Variants in TMEM117 observed in about 807,000 individuals in gnomAD.
The protein encoded by TMEM117 is transmembrane protein 117.
In TMEM117, 27 loss-of-function variants were observed where a neutral mutation model predicts 52.4. The observed-to-expected ratio is 0.51, with a 90% CI of 0.38 to 0.71. The LOEUF (loss-of-function observed/expected upper bound fraction) is 0.71, where lower values mean the gene tolerates loss of function less well. Ranked by LOEUF, TMEM117 falls within the 30% of genes least tolerant of loss-of-function variation. The probability of loss-of-function intolerance (pLI) is 0.00; values close to 1 mark genes in which losing one functional copy is unlikely to be tolerated. For missense variants in TMEM117, 556 were observed against 630.5 expected, an observed-to-expected ratio of 0.88 and a Z score of 1.26; for synonymous variants, 215 against 206.3, an observed-to-expected ratio of 1.04 and a Z score of -0.36.
chr12:43,802,580 A>G, the TMEM117 span: 2 of 761,710 alleles, frequency 2.6e-6, no homozygotes, highest in Non-Finnish European at 4.3e-6. Flanking sequence ...TATTCACATC[A>G]AAAAGTTGAA....
chr12:44,391,405 T>C (rs962184777), downstream of TMEM117, among the ~76,000 whole-genome samples: 10 of 152,170 alleles, frequency 6.6e-5, no homozygotes, highest in Non-Finnish European at 1.0e-4. Flanking sequence ...AAATTCTGTT[T>C]AAAATGTTAA....
At chr12:44,176,691 A>T (rs1313678514) in intron 4 of TMEM117, among the ~76,000 whole-genome samples, 1 of 152,118 alleles carries the variant, frequency 6.6e-6, no homozygotes, top group Non-Finnish European at 1.5e-5. Context: ...AGTTAAACCA[A>T]AAGGAAATAT....
At chr12:43,948,174 T>C (rs953153937) in intron 3 of TMEM117, among the ~76,000 whole-genome samples, 1 of 152,062 alleles carries the variant, frequency 6.6e-6, no homozygotes, top group African/African-American at 2.4e-5. Flanking sequence ...AGTTAGTTGG[T>C]TGAGCTAAAA....
chr12:44,311,941 A>C (rs1950996358), intron 6 of TMEM117, among the ~76,000 whole-genome samples: 1 of 148,046 alleles, frequency 6.8e-6, no homozygotes, highest in Non-Finnish European at 1.5e-5. Context: ...TTTTCCTCCC[A>C]TTCTTTTGGC....
intron 3 of TMEM117, among the ~76,000 whole-genome samples, chr12:43,995,533 TA>T (rs1471737005): frequency 1.3e-5 from 2 of 152,238 alleles, no homozygotes; most frequent in African/African-American, 4.8e-5. Flanking sequence ...TCTTGTTTTT[TA>T]AAATTTTTAA....
chr12:44,365,620 A>T (rs1396363136), intron 6 of TMEM117, among the ~76,000 whole-genome samples: 1 of 152,070 alleles, frequency 6.6e-6, no homozygotes, highest in East Asian at 1.9e-4. Flanking sequence ...CCTACCATAT[A>T]TATTTGCGTG....
intron 3 of TMEM117, among the ~76,000 whole-genome samples, chr12:44,029,398 T>G (rs1946596602): frequency 1.3e-5 from 2 of 152,202 alleles, no homozygotes; most frequent in African/African-American, 4.8e-5. Context: ...TGTACAGGCA[T>G]GTACAGGATT....
At chr12:44,304,743 C>T (rs532126392) in intron 6 of TMEM117, among the ~76,000 whole-genome samples, 17 of 152,324 alleles carry the variant, frequency 1.1e-4, no homozygotes, top group African/African-American at 3.6e-4. Context: ...AAGGGAAGGA[C>T]TCAGTCCTGG....
intron 6 of TMEM117, among the ~76,000 whole-genome samples, chr12:44,353,441 A>G (rs571290884): frequency 6.6e-6 from 1 of 152,254 alleles, no homozygotes; most frequent in Admixed American, 6.5e-5. Flanking sequence ...TCTAACATGT[A>G]AGTCTTTAAT....
intron 3 of TMEM117, among the ~76,000 whole-genome samples, chr12:43,945,892 T>C (rs1945124078): frequency 6.6e-6 from 1 of 152,200 alleles, no homozygotes. Context: ...TGTTCAGTAC[T>C]GAGAGGGAAG....
chr12:43,945,391 A>G (rs1221577850), intron 3 of TMEM117, among the ~76,000 whole-genome samples: 1 of 152,056 alleles, frequency 6.6e-6, no homozygotes, highest in Non-Finnish European at 1.5e-5. Flanking sequence ...ATCTCGGCTC[A>G]CTCACTGCAA....
rs1267022576 is a variant in TMEM117, at chr12:44,262,808, C to CA, written c.609-36772_609-36771insA. On this transcript the variant is annotated intron_variant, in intron 5 of 7. Coordinates refer to ENST00000266534, the MANE Select transcript of TMEM117 (RefSeq NM_032256.3). ...TTCACCATGTTAGCCAAGATGGTCT[C>CA]CATCTCCTGACTTCGTGATCCACCC... is the stretch of plus-strand genomic sequence containing the variant. Among the ~76,000 whole-genome samples, 6 of 152,248 alleles carry CA rather than the reference C, an allele frequency of 3.9e-5. No individual in the cohort carries two copies. In the South Asian group the frequency reaches 8.3e-4, roughly 21 times the overall value.
Position 44,167,489 on chromosome 12 carries a change from A to G in TMEM117, c.510+23865A>G, listed in dbSNP as rs367628231. On this transcript the variant is annotated intron_variant, in intron 4 of 7. Coordinates refer to ENST00000266534, the MANE Select transcript of TMEM117 (RefSeq NM_032256.3). ...CGAGACCATCCTGGCTAACACGGTG[A>G]AACCCCGTCTCTACTAAAAATACAA... Among the ~76,000 whole-genome samples, 13 of 152,066 alleles carry G rather than the reference A, an allele frequency of 8.5e-5. 1 individual carries two copies. Among genetic ancestry groups the G allele is most frequent in the Admixed American group, 7.2e-4 (11 of 15,286 alleles).
rs115184588 is a variant in TMEM117 at position 44,151,099 on chromosome 12, T to C, written c.510+7475T>C. Among the ~76,000 whole-genome samples the C allele has an allele frequency of 1.1e-3, 167 of 152,266 alleles. 1 individual carries two copies. Among genetic ancestry groups the C allele is most frequent in the African/African-American group, 3.8e-3 (157 of 41,574 alleles). The stretch of plus-strand genomic sequence containing the variant: ...CACCTAGGAAAATTCACCTAGGTAT[T>C]GAATTGAACTACATTAAGATATGAA... On this transcript the variant is annotated intron_variant, in intron 4 of 7. Coordinates refer to ENST00000266534, the MANE Select transcript of TMEM117 (RefSeq NM_032256.3).
chr12:44,164,634 C>T (rs1316520318), intron 4 of TMEM117, among the ~76,000 whole-genome samples: 2 of 152,090 alleles, frequency 1.3e-5, no homozygotes, highest in Admixed American at 6.6e-5. Context: ...AAAGAATAGG[C>T]TATGAAGATT....
At chr12:44,303,097 G>A (rs1405251237) in intron 6 of TMEM117, among the ~76,000 whole-genome samples, 1 of 151,824 alleles carries the variant, frequency 6.6e-6, no homozygotes, top group Non-Finnish European at 1.5e-5. Context: ...AGGCTGGAGT[G>A]CAATGGCGTG....
At chr12:43,815,426 A>G in the TMEM117 span, among the ~76,000 whole-genome samples, 1 of 152,202 alleles carries the variant, frequency 6.6e-6, no homozygotes, top group East Asian at 1.9e-4. Flanking sequence ...AGTTCTGTCA[A>G]TAGAATACCC....
At chr12:44,129,525 G>A (rs914249102) in intron 3 of TMEM117, among the ~76,000 whole-genome samples, 15 of 152,052 alleles carry the variant, frequency 9.9e-5, no homozygotes, top group Non-Finnish European at 1.9e-4. Flanking sequence ...GAGAACTACC[G>A]GGAAATTACC....
At chr12:43,962,776 A>T (rs1945423896) in intron 3 of TMEM117, among the ~76,000 whole-genome samples, 1 of 152,178 alleles carries the variant, frequency 6.6e-6, no homozygotes, top group African/African-American at 2.4e-5. Context: ...AAAACAAAAA[A>T]AATTAGCCAG....
Sources: gnomAD v4.1 joint callset for allele counts (sites outside exome capture counted in the v4.1 genomes callset) on GRCh38, gnomAD v4.1.1 for gene constraint, MANE v1.5 for transcripts, NCBI Gene and HGNC (gene_info 2026-07-23, HGNC 2026-07-21) for gene names.